ADARB2: variants seen among roughly 807,000 people sequenced by gnomAD.
ADARB2 encodes the protein inactive double-stranded RNA-specific editase B2.
A neutral mutation model predicts 62.2 loss-of-function variants in ADARB2; 25 were observed. The observed-to-expected ratio is 0.40, with a 90% CI of 0.29 to 0.56. The LOEUF (loss-of-function observed/expected upper bound fraction) is 0.56. ADARB2 is among the 20% of genes least tolerant of loss of function. ADARB2 has a pLI of 0.43. For synonymous variants in ADARB2, 572 were observed against 500.8 expected, an observed-to-expected ratio of 1.14 and a Z score of -1.90; for missense variants, 1,071 against 1,077.4, an observed-to-expected ratio of 0.99 and a Z score of 0.08.
chr10:1,342,978 TA>T (rs1336249143), intron 3 of ADARB2, among the ~76,000 whole-genome samples: 3 of 152,174 alleles, frequency 2.0e-5, no homozygotes, highest in African/African-American at 7.2e-5. Context: ...ACTTGTATGA[TA>T]AAAAATGCTT....
At chr10:1,413,789 C>A (rs954748808) in intron 1 of ADARB2, among the ~76,000 whole-genome samples, 1 of 152,170 alleles carries the variant, frequency 6.6e-6, no homozygotes, top group African/African-American at 2.4e-5. Flanking sequence ...ATTTTTTGGT[C>A]AAAACCCAAA....
intron 1 of ADARB2, among the ~76,000 whole-genome samples, chr10:1,627,798 C>A (rs751271996): frequency 2.6e-5 from 4 of 152,186 alleles, no homozygotes; most frequent in Non-Finnish European, 5.9e-5. Flanking sequence ...CTCTAATATA[C>A]AAAATCAAAT....
At chr10:1,486,655 A>G (rs1831545892) in intron 1 of ADARB2, among the ~76,000 whole-genome samples, 2 of 152,208 alleles carry the variant, frequency 1.3e-5, no homozygotes, top group Admixed American at 1.3e-4. Context: ...ACAGACCTCA[A>G]GAAAAAGCAG....
At chr10:1,467,338 A>C (rs747676548) in intron 1 of ADARB2, among the ~76,000 whole-genome samples, 10 of 152,232 alleles carry the variant, frequency 6.6e-5, no homozygotes, top group Non-Finnish European at 1.3e-4. Flanking sequence ...GCAGAACCCA[A>C]GAAAAATTCC....
At chr10:1,448,015 T>C (rs1368861783) in intron 1 of ADARB2, among the ~76,000 whole-genome samples, 1 of 152,234 alleles carries the variant, frequency 6.6e-6, no homozygotes, top group Non-Finnish European at 1.5e-5. Context: ...GTATTTGCTA[T>C]TGTGAATAGT....
intron 1 of ADARB2, among the ~76,000 whole-genome samples, chr10:1,711,536 G>A (rs1834948988): frequency 6.6e-6 from 1 of 152,184 alleles, no homozygotes; most frequent in Admixed American, 6.5e-5. Flanking sequence ...TTACTAAGGT[G>A]TTTTCCTCCA....
At chr10:1,309,576 C>T (rs762191214) in intron 3 of ADARB2, among the ~76,000 whole-genome samples, 16 of 152,214 alleles carry the variant, frequency 1.1e-4, no homozygotes, top group African/African-American at 2.2e-4. Context: ...TGTGCCAGGA[C>T]GGATTATTAT....
intron 1 of ADARB2, among the ~76,000 whole-genome samples, chr10:1,507,879 G>A (rs146433294): frequency 2.2e-4 from 34 of 152,274 alleles, no homozygotes; most frequent in East Asian, 1.4e-3. Flanking sequence ...CCTTCTTGCC[G>A]TCTTCTCCAG....
intron 1 of ADARB2, among the ~76,000 whole-genome samples, chr10:1,537,791 A>G (rs2131965425): frequency 6.6e-6 from 1 of 152,292 alleles, no homozygotes; most frequent in East Asian, 1.9e-4. Flanking sequence ...GGAGGGGAAC[A>G]TCACACACCG....
Position 1,363,664 on chromosome 10 carries a change from C to G in ADARB2, c.441G>C (p.Gln147His), listed in dbSNP as rs770161756. The change falls in exon 3 of 10, where the codon CAG becomes CAC. Residue 147 changes from glutamine (Q) to histidine (H), a missense_variant. Gln to His is a conservative substitution (Grantham distance 24). Transcript: ENST00000381312. ...RPGLQYRTVS[Q>H]TGPVHAPVFA... The stretch of plus-strand genomic sequence containing the variant: ...AGACCGGGGCATGCACCGGGCCCGT[C>G]TGCGACACTGTCCGGTACTGCAGGC... The G allele has an allele frequency of 1.2e-6, 2 of 1,608,840 alleles. No homozygotes were observed. Among genetic ancestry groups the G allele is most frequent in the African/African-American group, 1.3e-5 (1 of 74,400 alleles).
At chr10:1,486,016 T>C (rs1831539106) in intron 1 of ADARB2, among the ~76,000 whole-genome samples, 1 of 152,222 alleles carries the variant, frequency 6.6e-6, no homozygotes, top group African/African-American at 2.4e-5. Context: ...GCAGAAGCTC[T>C]GAGGTGCTGT....
chr10:1,716,354 C>A (rs1349514181), intron 1 of ADARB2, among the ~76,000 whole-genome samples: 1 of 152,220 alleles, frequency 6.6e-6, no homozygotes, highest in Non-Finnish European at 1.5e-5. Flanking sequence ...CTAAAAAGAG[C>A]ATGATCCTTG....
intron 1 of ADARB2, among the ~76,000 whole-genome samples, chr10:1,549,580 A>G (rs11250612): frequency 0.3 from 45,515 of 151,712 alleles, 7,826 homozygotes; most frequent in East Asian, 0.6. Flanking sequence ...AGACCCACGC[A>G]TGGTCAAACA....
chr10:1,559,972 G>T (rs571890247), intron 1 of ADARB2, among the ~76,000 whole-genome samples: 1 of 152,302 alleles, frequency 6.6e-6, no homozygotes, highest in African/African-American at 2.4e-5. Flanking sequence ...AGATCTGAGT[G>T]AGGAATCCCA....
intron 1 of ADARB2, among the ~76,000 whole-genome samples, chr10:1,693,757 GTTAAA>G (rs772768144): frequency 6.6e-6 from 1 of 152,276 alleles, no homozygotes; most frequent in East Asian, 1.9e-4. Flanking sequence ...TAGAGAAAAG[GTTAAA>G]TTAAAAGAAA....
intron 1 of ADARB2, among the ~76,000 whole-genome samples, chr10:1,604,326 A>G (rs1458016271): frequency 1.3e-5 from 2 of 152,218 alleles, no homozygotes; most frequent in African/African-American, 4.8e-5. Context: ...AATCTTTACA[A>G]GAATTATTTG....
intron 3 of ADARB2, among the ~76,000 whole-genome samples, chr10:1,339,742 G>C (rs1459560324): frequency 6.6e-6 from 1 of 152,226 alleles, no homozygotes; most frequent in Non-Finnish European, 1.5e-5. Flanking sequence ...GCCCCACTGG[G>C]AGCTCAGAGG....
intron 1 of ADARB2, among the ~76,000 whole-genome samples, chr10:1,466,480 C>T (rs1025789159): frequency 2.0e-5 from 3 of 152,160 alleles, no homozygotes; most frequent in East Asian, 1.9e-4. Flanking sequence ...GAGGTCCTTG[C>T]GACGGCCGCA....
At chr10:1,234,185 C>T (rs1213409348) in intron 5 of ADARB2, among the ~76,000 whole-genome samples, 1 of 151,488 alleles carries the variant, frequency 6.6e-6, no homozygotes, top group Non-Finnish European at 1.5e-5. Flanking sequence ...TACAGGGTTT[C>T]ACCATGTTGG....
Sources: allele counts gnomAD v4.1 joint callset (sites outside exome capture counted in the v4.1 genomes callset), GRCh38; gene constraint gnomAD v4.1.1; transcripts MANE v1.5; gene names NCBI Gene and HGNC (gene_info 2026-07-23, HGNC 2026-07-21).